The following COL6A6 variants were observed in gnomAD, a reference collection of about 807,000 sequenced individuals.
The protein encoded by COL6A6 is collagen alpha-6(VI) chain.
A neutral mutation model predicts 208.6 loss-of-function variants in COL6A6; 183 were observed. That is an observed-to-expected ratio of 0.88 (90% CI 0.78 to 0.99). The LOEUF (loss-of-function observed/expected upper bound fraction) is 0.99, where lower values mean the gene tolerates loss of function less well. Ranked by LOEUF, COL6A6 falls within the 50% of genes least tolerant of loss-of-function variation. The pLI is 0.00. For missense variants in COL6A6, 2,816 were observed against 2,815.2 expected, an observed-to-expected ratio of 1.00 and a Z score of -0.01; for synonymous variants, 973 against 1,011.8, an observed-to-expected ratio of 0.96 and a Z score of 0.73.
At chr3:130,597,092 G>A (rs1327252788) in intron 18 of COL6A6, among the ~76,000 whole-genome samples, 2 of 152,118 alleles carry the variant, frequency 1.3e-5, no homozygotes, top group Non-Finnish European at 2.9e-5. Flanking sequence ...AAGTAGTTTA[G>A]AATTGAACTA....
intron 19 of COL6A6, 140 bp downstream of exon 19, chr3:130,598,570 A>G: frequency 1.6e-6 from 1 of 637,690 alleles, no homozygotes; most frequent in Non-Finnish European, 2.8e-6. Flanking sequence ...TAGGAGCAAA[A>G]TGATCTTTTC....
chr3:130,610,618 A>C, intron 22 of COL6A6, 31 bp from the exon 23 acceptor site: 1 of 1,512,618 alleles, frequency 6.6e-7, no homozygotes, highest in Non-Finnish European at 9.0e-7. Context: ...TCTTTTAGGC[A>C]AAAAATAATG....
intron 2 of COL6A6, among the ~76,000 whole-genome samples, chr3:130,561,943 C>T (rs1225982486): frequency 3.9e-5 from 6 of 152,156 alleles, no homozygotes; most frequent in Admixed American, 6.5e-5. Context: ...TGAGCCACCG[C>T]GCCCGGCTGA....
At chr3:130,660,842 T>C (rs1402094244) in intron 34 of COL6A6, among the ~76,000 whole-genome samples, 2 of 152,196 alleles carry the variant, frequency 1.3e-5, no homozygotes, top group Non-Finnish European at 2.9e-5. Context: ...TACTGGTGTG[T>C]CCTTAGGCAA....
chr3:130,550,957 C>G (rs1474866506), intron 1 of COL6A6, among the ~76,000 whole-genome samples: 1 of 152,108 alleles, frequency 6.6e-6, no homozygotes, highest in East Asian at 1.9e-4. Flanking sequence ...TGTGATGAAT[C>G]ACATTTATTG....
intron 20 of COL6A6, among the ~76,000 whole-genome samples, chr3:130,604,652 C>T (rs894451794): frequency 8.5e-5 from 13 of 152,122 alleles, no homozygotes; most frequent in African/African-American, 2.7e-4. Flanking sequence ...TTTTGTTCAC[C>T]ACCACCCAGC....
chr3:130,574,225 C>T lies in COL6A6; in HGVS notation c.3247C>T (p.Leu1083Phe). 3 of 1,613,960 alleles carry T rather than the reference C, an allele frequency of 1.9e-6. No homozygotes were observed. Among genetic ancestry groups the T allele is most frequent in the Non-Finnish European group, 2.5e-6 (3 of 1,179,874 alleles). ...IFGNTHIGAA[L>F]REVEHYFRPD... is the part of the protein sequence containing the mutation. ...TGGAAACACACACATCGGTGCTGCA[C>T]TCAGGGAGGTGGAACATTACTTCAG... The change falls in exon 8 of 37, where the codon CTC becomes TTC. Residue 1083 changes from leucine to phenylalanine, a missense_variant. Leu to Phe is a conservative substitution (Grantham distance 22). Transcript: ENST00000358511.
intron 1 of COL6A6, among the ~76,000 whole-genome samples, chr3:130,557,337 G>T (rs2062789162): frequency 6.6e-6 from 1 of 152,196 alleles, no homozygotes; most frequent in South Asian, 2.1e-4. Flanking sequence ...CTTTTGTTTT[G>T]TTTTTCTCAC....
chr3:130,650,610 C>CAA (rs3074296), intron 33 of COL6A6, among the ~76,000 whole-genome samples: 49,388 of 127,514 alleles, frequency 0.39, 8,564 homozygotes, highest in South Asian at 0.55. Context: ...CCTCTGTCTC[C>CAA]AAAAAAAAAA....
chr3:130,621,238 T>A (rs2064705698), intron 23 of COL6A6, among the ~76,000 whole-genome samples: 1 of 152,218 alleles, frequency 6.6e-6, no homozygotes, highest in Admixed American at 6.5e-5. Context: ...TTTTACAGTT[T>A]TTTTCTTCTT....
intron 34 of COL6A6, among the ~76,000 whole-genome samples, chr3:130,660,023 T>C (rs2065898651): frequency 6.6e-6 from 1 of 152,228 alleles, no homozygotes. Context: ...GGGAGATACA[T>C]TCCACCCTAT....
chr3:130,556,101 A>G (rs1350149902), intron 1 of COL6A6, among the ~76,000 whole-genome samples: 1 of 152,100 alleles, frequency 6.6e-6, no homozygotes, highest in East Asian at 1.9e-4. Context: ...GGTACACTCT[A>G]TTTAGCTCCT....
At chr3:130,649,597 A>G (rs751191426) in intron 33 of COL6A6, 35 bp downstream of exon 33, 9 of 1,515,708 alleles carry the variant, frequency 5.9e-6, no homozygotes, top group Non-Finnish European at 8.0e-6. Context: ...GACAATTCTT[A>G]CTTATCTTGC....
Position 130,563,048 on chromosome 3 carries a change from A to G in COL6A6, c.65-20A>G. 1 of 1,572,362 alleles carries G rather than the reference A, an allele frequency of 6.4e-7. No individual in the cohort carries two copies. The highest frequency in any genetic ancestry group is 8.7e-7 in the Non-Finnish European group (1 of 1,154,578). ...ATTTTTTAAAGTTTTTGGTTCGTTC[A>G]TATGTTTGTGGTTTTGCAGGCCCTG... On this transcript the variant is annotated intron_variant, in intron 2 of 36. Coordinates refer to ENST00000358511, the MANE Select transcript of COL6A6 (RefSeq NM_001102608.3).
At position 130,618,774 on chromosome 3, in the gene COL6A6, C is replaced by G. The variant is rs187890634; in HGVS notation, c.4816-3047C>G. On this transcript the variant is annotated intron_variant, in intron 23 of 36. Coordinates refer to ENST00000358511, the MANE Select transcript of COL6A6 (RefSeq NM_001102608.3). ...ATGGCAAGGTCCTGTATGTATCCAACCATCTACTCATCCAAGACATTTTTT... is the reference window on the plus strand; with the variant it reads ...ATGGCAAGGTCCTGTATGTATCCAAGCATCTACTCATCCAAGACATTTTTT... Among the ~76,000 whole-genome samples the G allele has an allele frequency of 1.6e-4, 24 of 152,334 alleles. No individual in the cohort carries two copies. In the East Asian group the frequency reaches 4.4e-3, roughly 28 times the overall value.
chr3:130,636,291 C>T (rs1381326988), intron 28 of COL6A6, among the ~76,000 whole-genome samples: 2 of 152,184 alleles, frequency 1.3e-5, no homozygotes, highest in African/African-American at 4.8e-5. Flanking sequence ...TAGATATTGC[C>T]TAGTGCTTTG....
intron 18 of COL6A6, among the ~76,000 whole-genome samples, chr3:130,597,388 A>G (rs2063882469): frequency 6.6e-6 from 1 of 152,214 alleles, no homozygotes; most frequent in East Asian, 1.9e-4. Flanking sequence ...CATCCCATTA[A>G]CTTATAAGCT....
intron 11 of COL6A6, among the ~76,000 whole-genome samples, chr3:130,588,376 T>G (rs2063590020): frequency 6.6e-6 from 1 of 152,254 alleles, no homozygotes; most frequent in African/African-American, 2.4e-5. Flanking sequence ...GGTGAGTTAA[T>G]TGTAAAAATG....
chr3:130,646,147 TAATAA>T (rs775124980), intron 32 of COL6A6, among the ~76,000 whole-genome samples: 12 of 151,910 alleles, frequency 7.9e-5, no homozygotes, highest in African/African-American at 2.2e-4. Context: ...AGTATAATAA[TAATAA>T]AATAAAAAAT....
Sources: allele counts gnomAD v4.1 joint callset (sites outside exome capture counted in the v4.1 genomes callset), GRCh38; gene constraint gnomAD v4.1.1; transcripts MANE v1.5; gene names NCBI Gene and HGNC (gene_info 2026-07-23, HGNC 2026-07-21).